Variants in SEL1L3 observed in about 807,000 individuals in gnomAD.
SEL1L3 encodes the protein SEL1L family member 3, also known as protein sel-1 homolog 3.
A neutral mutation model predicts 142.8 loss-of-function variants in SEL1L3; 76 were observed. The observed-to-expected ratio is 0.53, with a 90% CI of 0.44 to 0.64. The LOEUF (loss-of-function observed/expected upper bound fraction) is 0.64, where lower values mean the gene tolerates loss of function less well. SEL1L3 is among the 30% of genes least tolerant of loss of function. The pLI is 0.00. For missense variants in SEL1L3, 1,262 were observed against 1,381.7 expected (o/e 0.91, Z 1.37); for synonymous variants, 504 against 519.6 (o/e 0.97, Z 0.41).
At chr4:25,716,030 A>G in the SEL1L3 span, among the ~76,000 whole-genome samples, 1 of 152,186 alleles carries the variant, frequency 6.6e-6, no homozygotes, top group East Asian at 1.9e-4. Context: ...AGAGCAATAT[A>G]TTAAAATTGA....
At chr4:25,723,004 G>A in the SEL1L3 span, among the ~76,000 whole-genome samples, 2,944 of 152,214 alleles carry the variant, frequency 0.019, 97 homozygotes, top group African/African-American at 0.066. Context: ...AGAGTGTCCC[G>A]GCCTGACCCC....
intron 6 of SEL1L3, among the ~76,000 whole-genome samples, chr4:25,827,545 T>G (rs1023874415): frequency 6.6e-6 from 1 of 152,176 alleles, no homozygotes; most frequent in South Asian, 2.1e-4. Flanking sequence ...AAAACTGAGA[T>G]AATACATTTT....
intron 19 of SEL1L3, among the ~76,000 whole-genome samples, chr4:25,766,623 C>T (rs1338795371): frequency 1.3e-5 from 2 of 152,074 alleles, no homozygotes; most frequent in Non-Finnish European, 2.9e-5. Flanking sequence ...AGGCTACTAT[C>T]ATCCCCAGGA....
chr4:25,831,366 G>A (rs113520304), intron 5 of SEL1L3, among the ~76,000 whole-genome samples: 15 of 151,414 alleles, frequency 9.9e-5, no homozygotes, highest in Admixed American at 3.3e-4. Flanking sequence ...CCTCTTCTCC[G>A]TTCTCCATCT....
Position 25,788,192 on chromosome 4 carries a change from C to T in SEL1L3, c.2217+32G>A. On this transcript the variant is annotated intron_variant, in intron 13 of 23. Transcript: ENST00000399878. This position sits in a 1 kb window ranked among gnomAD's most constrained non-coding sequence, Gnocchi z 5.3. ...CTGCTCAGGAGTCTGATAAGAATTG[C>T]ACAATTTCAGCACGAATTAAGTGAT... 1 of 1,608,968 alleles carries T rather than the reference C, an allele frequency of 6.2e-7. No individual in the cohort carries two copies. The highest frequency in any genetic ancestry group is 1.3e-5 in the African/African-American group (1 of 74,996).
chr4:25,781,579 T>C (rs559190210), intron 15 of SEL1L3, among the ~76,000 whole-genome samples: 2 of 152,140 alleles, frequency 1.3e-5, no homozygotes, highest in Non-Finnish European at 2.9e-5. Context: ...ATTTTTATTA[T>C]CAACATTATT....
intron 6 of SEL1L3, among the ~76,000 whole-genome samples, 159 bp from the exon 7 acceptor site, chr4:25,822,287 G>A (rs1278371194): frequency 3.9e-5 from 6 of 152,072 alleles, no homozygotes; most frequent in Non-Finnish European, 8.8e-5. Context: ...GGTGGACTTC[G>A]GCTAGGATCC....
downstream of SEL1L3, among the ~76,000 whole-genome samples, chr4:25,746,571 C>CAAATGTATATATTTATATATATATATTT (rs1717277795): frequency 7.7e-6 from 1 of 130,490 alleles, no homozygotes; most frequent in Non-Finnish European, 1.6e-5. Context: ...TATATATATT[C>CAAATGTATATATTTATATATATATATTT]TTTCTATATA....
At chr4:25,829,465 T>C (rs1715305511) in intron 6 of SEL1L3, among the ~76,000 whole-genome samples, 2 of 152,212 alleles carry the variant, frequency 1.3e-5, no homozygotes, top group African/African-American at 4.8e-5. Flanking sequence ...ACATATATTA[T>C]CTAGCTATGG....
At chr4:25,797,097 G>C (rs1487550339) in intron 11 of SEL1L3, among the ~76,000 whole-genome samples, 1 of 150,742 alleles carries the variant, frequency 6.6e-6, no homozygotes, top group Admixed American at 6.6e-5. Context: ...AAGAAAGAAA[G>C]GAAGTGGAAA....
At chr4:25,743,360 C>A (rs1476749761), downstream of SEL1L3, among the ~76,000 whole-genome samples, 1 of 152,140 alleles carries the variant, frequency 6.6e-6, no homozygotes, top group African/African-American at 2.4e-5. Flanking sequence ...AACTGAATAT[C>A]ACCTCTGTAC....
At position 25,788,379 on chromosome 4, in the gene SEL1L3, C is replaced by A. The variant is rs772080737; in HGVS notation, c.2077-15G>T. The A allele has an allele frequency of 8.1e-6, 13 of 1,612,898 alleles. No individual in the cohort carries two copies. In the Admixed American group the frequency reaches 2.2e-4, roughly 27 times the overall value. On this transcript the variant is annotated splice_polypyrimidine_tract_variant and intron_variant, in intron 12 of 23. Coordinates refer to ENST00000399878, the MANE Select transcript of SEL1L3 (RefSeq NM_015187.5). The surrounding 1 kb of genome is among the most constrained non-coding windows in gnomAD (Gnocchi z 5.3). ...GCCAATCGTTGCTTAAAGATAATAG[C>A]AATTTAGAACAATGACTTTTCCTGT...
At chr4:25,740,734 C>G in the SEL1L3 span, among the ~76,000 whole-genome samples, 1 of 152,314 alleles carries the variant, frequency 6.6e-6, no homozygotes, top group African/African-American at 2.4e-5. Flanking sequence ...TGCAGTGAGA[C>G]TGGAGAATTT....
At chr4:25,732,742 G>A in the SEL1L3 span, among the ~76,000 whole-genome samples, 1 of 151,936 alleles carries the variant, frequency 6.6e-6, no homozygotes, top group African/African-American at 2.4e-5. Context: ...TTGTGTGTGT[G>A]TGTGGTGGGG....
chr4:25,770,435 C>T (rs1719078096), intron 17 of SEL1L3: 1 of 152,054 alleles, frequency 6.6e-6, no homozygotes, highest in Admixed American at 6.6e-5. Context: ...TCCATAGAAA[C>T]ACTGAACAGA....
intron 1 of SEL1L3, among the ~76,000 whole-genome samples, chr4:25,855,585 G>T (rs1717201644): frequency 6.6e-6 from 1 of 152,126 alleles, no homozygotes; most frequent in South Asian, 2.1e-4. Context: ...GTGAAACCTT[G>T]TCTCTGCTAA....
chr4:25,722,178 G>A, the SEL1L3 span, among the ~76,000 whole-genome samples: 1 of 152,150 alleles, frequency 6.6e-6, no homozygotes, highest in Non-Finnish European at 1.5e-5. Flanking sequence ...AAGTGACTAG[G>A]AAATATATGG....
the SEL1L3 span, among the ~76,000 whole-genome samples, chr4:25,737,709 C>A: frequency 6.6e-6 from 1 of 152,116 alleles, no homozygotes; most frequent in Non-Finnish European, 1.5e-5. Flanking sequence ...ATGCTCAAGT[C>A]CCTGATATAA....
At chr4:25,758,575 A>G (rs1049664541) in intron 21 of SEL1L3, among the ~76,000 whole-genome samples, 5 of 152,168 alleles carry the variant, frequency 3.3e-5, no homozygotes, top group Admixed American at 1.3e-4. Context: ...AGTACCTTCT[A>G]TATCTTAAAC....
Sources: gnomAD v4.1 joint callset for allele counts (sites outside exome capture counted in the v4.1 genomes callset) on GRCh38, gnomAD v4.1.1 for gene constraint, Gnocchi (gnomAD v3.1) non-coding constraint, MANE v1.5 for transcripts, NCBI Gene and HGNC (gene_info 2026-07-23, HGNC 2026-07-21) for gene names.